The following RNF220 variants were observed in gnomAD, a reference collection of about 807,000 sequenced individuals.
RNF220 encodes the protein E3 ubiquitin-protein ligase RNF220.
Under a neutral mutation model 67.1 loss-of-function variants are expected in RNF220, and 7 were observed. The ratio of observed to expected loss-of-function variants is 0.10; its 90% confidence interval spans 0.06 to 0.20. RNF220 has a LOEUF of 0.20. RNF220 is among the 10% of genes least tolerant of loss of function. The pLI is 1.00. For synonymous variants in RNF220, 270 were observed against 283.2 expected, an observed-to-expected ratio of 0.95 and a Z score of 0.47; for missense variants, 565 against 740.3, an observed-to-expected ratio of 0.76 and a Z score of 2.75.
In RNF220 at chr1:44,589,421, T is replaced by C. The variant is rs1407390960; in HGVS notation, c.626-24744T>C. Among the ~76,000 whole-genome samples, 5 of 152,260 alleles carry C rather than the reference T, an allele frequency of 3.3e-5. 1 individual carries two copies. In the East Asian group the frequency reaches 9.7e-4, roughly 29 times the overall value. Reference sequence around the variant, plus strand: ...TGAGGTCAGGAGATCGAGACCATCCTGGCTAACATGGTGAAACCCCGTCTC... The same window carrying C: ...TGAGGTCAGGAGATCGAGACCATCCCGGCTAACATGGTGAAACCCCGTCTC... On this transcript the variant is annotated intron_variant, in intron 2 of 14. Transcript: ENST00000361799.
intron 8 of RNF220, chr1:44,638,245 T>TGCAAGCCGGGCA (rs1043443203): frequency 6.6e-6 from 1 of 152,312 alleles, no homozygotes; most frequent in Non-Finnish European, 1.5e-5. Flanking sequence ...CGGGCCGGGC[T>TGCAAGCCGGGCA]GCAAGCCGGG....
chr1:44,505,457 T>G (rs1658328364), intron 2 of RNF220, among the ~76,000 whole-genome samples: 1 of 152,220 alleles, frequency 6.6e-6, no homozygotes, highest in African/African-American at 2.4e-5. Flanking sequence ...CTGGACAGGT[T>G]GCAGTCAGCA....
intron 2 of RNF220, among the ~76,000 whole-genome samples, chr1:44,496,706 G>T (rs2148069254): frequency 6.6e-6 from 1 of 152,300 alleles, no homozygotes. Context: ...GATGCATGTG[G>T]TGTGGGCTGA....
intron 8 of RNF220, among the ~76,000 whole-genome samples, chr1:44,640,074 G>A (rs1490755208): frequency 6.6e-6 from 1 of 152,368 alleles, no homozygotes; most frequent in Admixed American, 6.5e-5. Context: ...ACAGGTATGA[G>A]CCACCACACC....
At chr1:44,544,423 G>A (rs537072948) in intron 2 of RNF220, among the ~76,000 whole-genome samples, 1 of 152,278 alleles carries the variant, frequency 6.6e-6, no homozygotes, top group South Asian at 2.1e-4. Flanking sequence ...AGGTAAAATG[G>A]GACTAATACC....
At chr1:44,636,421 T>G (rs902369515) in intron 8 of RNF220, 1 of 719,560 alleles carries the variant, frequency 1.4e-6, no homozygotes, top group African/African-American at 1.7e-5. Flanking sequence ...CAGCTTCGGG[T>G]GATGCATTGA....
rs371396268 is a variant in RNF220, at chr1:44,622,791, G to C, written c.804+4G>C. 3 of 1,613,550 alleles carry C rather than the reference G, an allele frequency of 1.9e-6. No individual in the cohort carries two copies. Among genetic ancestry groups the C allele is most frequent in the African/African-American group, 2.7e-5 (2 of 74,936 alleles). On this transcript the variant is annotated splice_donor_region_variant and intron_variant, in intron 4 of 14. Transcript: ENST00000361799. The surrounding 1 kb of genome is among the most constrained non-coding windows in gnomAD (Gnocchi z 4.3). ...CATGGCTCCAGGCACCCCAAAGGTA[G>C]GTGGCCAATTACATGTTTTCCTCCT...
intron 2 of RNF220, among the ~76,000 whole-genome samples, chr1:44,434,713 TTA>T (rs1650774261): frequency 1.0e-5 from 1 of 97,668 alleles, no homozygotes; most frequent in Non-Finnish European, 2.4e-5. Flanking sequence ...CGAGACTCTC[TTA>T]AAAAAAAAAA....
At chr1:44,450,009 C>T (rs911543460) in intron 2 of RNF220, among the ~76,000 whole-genome samples, 1 of 152,092 alleles carries the variant, frequency 6.6e-6, no homozygotes, top group African/African-American at 2.4e-5. Flanking sequence ...GTTGGGAGTT[C>T]GAGACCAGCC....
intron 2 of RNF220, among the ~76,000 whole-genome samples, chr1:44,527,385 G>A (rs873851): frequency 0.067 from 10,158 of 152,090 alleles, 715 homozygotes; most frequent in East Asian, 0.32. Context: ...AGGAAGGAAG[G>A]AAGGGAGGGA....
chr1:44,644,567 A>G (rs570576322), intron 8 of RNF220, 131 bp from the exon 9 acceptor site: 254 of 624,100 alleles, frequency 4.1e-4, no homozygotes, highest in Middle Eastern at 1.3e-3. Context: ...ATCTGGCTCT[A>G]TACATCCCAG....
At chr1:44,589,389 C>T (rs558529778) in intron 2 of RNF220, among the ~76,000 whole-genome samples, 33 of 152,126 alleles carry the variant, frequency 2.2e-4, no homozygotes, top group East Asian at 1.9e-3. Context: ...CCGAGGTGGG[C>T]GGATCATGAG....
At chr1:44,644,239 T>C (rs1644570045) in intron 8 of RNF220, 1 of 156,422 alleles carries the variant, frequency 6.4e-6, no homozygotes, top group Non-Finnish European at 1.4e-5. Context: ...GGGGTCCCAC[T>C]CTGTGGCTCT....
intron 2 of RNF220, among the ~76,000 whole-genome samples, chr1:44,543,326 G>C (rs1285487012): frequency 6.6e-6 from 1 of 152,192 alleles, no homozygotes; most frequent in East Asian, 1.9e-4. Context: ...ATGGGGCTGG[G>C]GGGAGGGGAG....
At chr1:44,436,228 C>G (rs900192829) in intron 2 of RNF220, among the ~76,000 whole-genome samples, 1 of 151,942 alleles carries the variant, frequency 6.6e-6, no homozygotes, top group Non-Finnish European at 1.5e-5. Context: ...ATCATTTGAC[C>G]CTCACCTAAA....
Position 44,635,546 on chromosome 1 carries a change from T to A in RNF220, c.951T>A (p.Ala317=). Residue 317 remains alanine (A), a splice_region_variant and synonymous_variant, in exon 7 of 15, where the codon GCT becomes GCA. Transcript: ENST00000361799. ...TTTGTTTTCGGTTTCCCCGTGCAGC[T>A]CGGATTGGGAAAATGAAACGGAGGA... is the stretch of plus-strand genomic sequence containing the variant. ...VRANRQTRLN[A]RIGKMKRRKQ... 1 of 1,613,976 alleles carries A rather than the reference T, an allele frequency of 6.2e-7. No homozygotes were observed. The highest frequency in any genetic ancestry group is 8.5e-7 in the Non-Finnish European group (1 of 1,179,928).
chr1:44,604,647 C>A (rs755412653), intron 2 of RNF220, among the ~76,000 whole-genome samples: 9 of 152,222 alleles, frequency 5.9e-5, no homozygotes, highest in Admixed American at 2.6e-4. Flanking sequence ...CAAGTCTGAG[C>A]CTAAACCTGT....
rs750119681 is a variant in RNF220 at position 44,650,691 on chromosome 1, G to C, written c.1630-13G>C. Reference sequence around the variant, plus strand: ...CATTGTGTAGACCAGAGCCCTCCCTGTTCTCCCTGCAGGGTGCCAAGAAGC... The same window carrying C: ...CATTGTGTAGACCAGAGCCCTCCCTCTTCTCCCTGCAGGGTGCCAAGAAGC... On this transcript the variant is annotated splice_polypyrimidine_tract_variant and intron_variant, in intron 14 of 14. Transcript: ENST00000361799. The surrounding 1 kb of genome is among the most constrained non-coding windows in gnomAD (Gnocchi z 4.3). 1 of 1,613,640 alleles carries C rather than the reference G, an allele frequency of 6.2e-7. No homozygotes were observed. Among genetic ancestry groups the C allele is most frequent in the East Asian group, 2.2e-5 (1 of 44,852 alleles).
chr1:44,529,307 T>C (rs994359817), intron 2 of RNF220, among the ~76,000 whole-genome samples: 2 of 150,904 alleles, frequency 1.3e-5, no homozygotes, highest in Admixed American at 1.3e-4. Context: ...GATCCTAAAA[T>C]AATGTTAAGT....
Sources: allele counts gnomAD v4.1 joint callset (sites outside exome capture counted in the v4.1 genomes callset), GRCh38; gene constraint gnomAD v4.1.1; non-coding constraint Gnocchi (gnomAD v3.1); transcripts MANE v1.5; gene names NCBI Gene and HGNC (gene_info 2026-07-23, HGNC 2026-07-21).